The following MAEL variants were observed in gnomAD, a reference collection of about 807,000 sequenced individuals.
MAEL encodes maelstrom spermatogenic transposon silencer.
A neutral mutation model predicts 62.0 loss-of-function variants in MAEL; 46 were observed. That is an observed-to-expected ratio of 0.74 (90% CI 0.59 to 0.95). MAEL has a LOEUF of 0.95. Among genes scored for constraint, MAEL ranks in the 40% least tolerant of loss-of-function variants. The pLI is 0.00. For missense variants in MAEL, 497 were observed against 526.8 expected (o/e 0.94, Z 0.55); for synonymous variants, 172 against 175.5 (o/e 0.98, Z 0.16).
intron 8 of MAEL, among the ~76,000 whole-genome samples, chr1:167,006,619 A>G (rs1349094357): frequency 3.6e-5 from 3 of 83,608 alleles, no homozygotes; most frequent in African/African-American, 1.6e-4. Flanking sequence ...ATATATATAT[A>G]TATATATATA....
chr1:166,998,492 A>G (rs1664520824), intron 5 of MAEL, among the ~76,000 whole-genome samples: 1 of 152,192 alleles, frequency 6.6e-6, no homozygotes, highest in South Asian at 2.1e-4. Context: ...CATATCTGTT[A>G]AATCACTTTG....
intron 11 of MAEL, 31 bp downstream of exon 11, chr1:167,021,191 C>A (rs373543345): frequency 1.5e-4 from 228 of 1,481,680 alleles, no homozygotes; most frequent in South Asian, 7.1e-4. Flanking sequence ...AAAAATGCAC[C>A]TAAAGGATGT....
At chr1:167,003,426 A>G (rs1486472943) in intron 5 of MAEL, among the ~76,000 whole-genome samples, 3 of 152,128 alleles carry the variant, frequency 2.0e-5, no homozygotes, top group African/African-American at 7.2e-5. Flanking sequence ...TTCATGGAGT[A>G]TTTGGTGGAA....
Position 167,016,183 on chromosome 1 carries a change from T to C in MAEL, c.846-39T>C. On this transcript the variant is annotated intron_variant, in intron 8 of 11. Coordinates refer to ENST00000367872, the MANE Select transcript of MAEL (RefSeq NM_032858.3). Reference sequence around the variant, plus strand: ...GCATATAAAAACCTTTAAGCAGTGCTACTTCAGTTAGGATATTAAAGTCCA... The same window carrying C: ...GCATATAAAAACCTTTAAGCAGTGCCACTTCAGTTAGGATATTAAAGTCCA... The C allele has an allele frequency of 3.9e-6, 6 of 1,553,530 alleles. No homozygotes were observed. In the South Asian group the frequency reaches 6.7e-5, roughly 17 times the overall value.
At chr1:167,013,418 T>C (rs1449244199) in intron 8 of MAEL, among the ~76,000 whole-genome samples, 2 of 152,224 alleles carry the variant, frequency 1.3e-5, no homozygotes, top group Non-Finnish European at 2.9e-5. Flanking sequence ...TCCTATGTTA[T>C]ACAAATCATC....
intron 5 of MAEL, among the ~76,000 whole-genome samples, chr1:167,002,453 G>A (rs1664711169): frequency 6.6e-6 from 1 of 152,134 alleles, no homozygotes; most frequent in Admixed American, 6.5e-5. Context: ...TTATGGTGAT[G>A]TTCAGTCAAG....
chr1:166,998,444 C>T (rs1212025159), intron 5 of MAEL, among the ~76,000 whole-genome samples: 1 of 152,138 alleles, frequency 6.6e-6, no homozygotes, highest in Non-Finnish European at 1.5e-5. Context: ...TTGTCCCACC[C>T]ATTGGTAAAC....
chr1:167,005,028 G>C (rs1664833060), intron 6 of MAEL, 48 bp from the exon 7 acceptor site: 3 of 1,569,952 alleles, frequency 1.9e-6, no homozygotes, highest in Non-Finnish European at 2.6e-6. Flanking sequence ...AGTAGGAGAA[G>C]ATACAAGTAG....
At chr1:166,978,608 G>A (rs1333950447) in intron 1 of MAEL, among the ~76,000 whole-genome samples, 1 of 152,112 alleles carries the variant, frequency 6.6e-6, no homozygotes, top group African/African-American at 2.4e-5. Flanking sequence ...AACTCCAGGT[G>A]GAGCCCATAA....
At chr1:167,020,990 C>A in intron 10 of MAEL, 95 bp from the exon 11 acceptor site, 1 of 929,544 alleles carries the variant, frequency 1.1e-6, no homozygotes, top group Non-Finnish European at 1.7e-6. Context: ...TGTTAGTTTG[C>A]ATTTTTAAAG....
intron 5 of MAEL, among the ~76,000 whole-genome samples, chr1:167,003,706 C>T (rs1327647756): frequency 6.6e-5 from 10 of 152,152 alleles, no homozygotes; most frequent in Admixed American, 4.6e-4. Context: ...AATATCCTCA[C>T]GCTTTTTTAT....
At chr1:166,986,076 A>C (rs1408564846), upstream of MAEL, among the ~76,000 whole-genome samples, 1 of 152,234 alleles carries the variant, frequency 6.6e-6, no homozygotes, top group Non-Finnish European at 1.5e-5. Context: ...TGCAGATTAG[A>C]CATTACAGAA....
chr1:166,987,644 G>A (rs2102063500), upstream of MAEL, among the ~76,000 whole-genome samples: 1 of 152,126 alleles, frequency 6.6e-6, no homozygotes, highest in South Asian at 2.1e-4. Context: ...CAATACACTA[G>A]AAAAATCTAA....
At chr1:167,021,610 C>A (rs1230821516) in intron 11 of MAEL, 58 bp from the exon 12 acceptor site, 3 of 1,219,248 alleles carry the variant, frequency 2.5e-6, no homozygotes, top group Non-Finnish European at 3.4e-6. Flanking sequence ...TGAGGCATCT[C>A]TTTGTAATAA....
rs781102847 is a variant in MAEL at position 167,021,652 on chromosome 1, A to G, written c.1118-16A>G. Reference sequence around the variant, plus strand: ...AAAATTGCTATATCTCTTTTCTTGTATTTTCAATATCCTAGGTGACTACCC... The same window carrying G: ...AAAATTGCTATATCTCTTTTCTTGTGTTTTCAATATCCTAGGTGACTACCC... On this transcript the variant is annotated splice_polypyrimidine_tract_variant and intron_variant, in intron 11 of 11. Transcript: ENST00000367872. The G allele has an allele frequency of 6.5e-7, 1 of 1,545,252 alleles. No individual in the cohort carries two copies. Among genetic ancestry groups the G allele is most frequent in the South Asian group, 1.2e-5 (1 of 81,014 alleles).
chr1:166,980,552 T>G (rs190908543), intron 1 of MAEL, among the ~76,000 whole-genome samples: 134 of 152,278 alleles, frequency 8.8e-4, no homozygotes, highest in Non-Finnish European at 1.4e-3. Context: ...TATGTCTCAT[T>G]CGTGAGCAGT....
chr1:166,981,188 C>T (rs981374318), intron 1 of MAEL, among the ~76,000 whole-genome samples: 1 of 152,132 alleles, frequency 6.6e-6, no homozygotes, highest in Non-Finnish European at 1.5e-5. Context: ...GCGAGGATCT[C>T]TCATAGAAGT....
chr1:167,004,200 C>A lies in MAEL; in HGVS notation c.544C>A (p.Pro182Thr). ...QAASDSSHKI[P>T]ISNFERGHNQ... Reference sequence around the variant, plus strand: ...CTCAGGTGATTCTAGTCACAAGATTCCTATTTCAAATTTTGAACGTGGGCA... The same window carrying A: ...CTCAGGTGATTCTAGTCACAAGATTACTATTTCAAATTTTGAACGTGGGCA... The change falls in exon 6 of 12, where the codon CCT becomes ACT. Residue 182 changes from proline to threonine, a missense_variant. Physicochemically the swap from Pro to Thr is conservative, Grantham distance 38. Coordinates refer to ENST00000367872, the MANE Select transcript of MAEL (RefSeq NM_032858.3). The A allele has an allele frequency of 6.2e-7, 1 of 1,608,460 alleles. No individual in the cohort carries two copies. The highest frequency in any genetic ancestry group is 8.5e-7 in the Non-Finnish European group (1 of 1,177,686).
At chr1:166,978,788 C>A (rs552015743) in intron 1 of MAEL, among the ~76,000 whole-genome samples, 1 of 152,224 alleles carries the variant, frequency 6.6e-6, no homozygotes, top group African/African-American at 2.4e-5. Context: ...AGGACAGGAC[C>A]CCAAATAGAG....
Sources: allele counts gnomAD v4.1 joint callset (sites outside exome capture counted in the v4.1 genomes callset), GRCh38; gene constraint gnomAD v4.1.1; transcripts MANE v1.5; gene names NCBI Gene and HGNC (gene_info 2026-07-23, HGNC 2026-07-21).